ZBTB16: variants seen among roughly 807,000 people sequenced by gnomAD.
ZBTB16 encodes zinc finger and BTB domain containing 16, also known as zinc finger and BTB domain-containing protein 16.
ZBTB16 carries 8 observed loss-of-function variants against 56.8 expected under a neutral mutation model. The observed-to-expected ratio is 0.14, with a 90% CI of 0.08 to 0.25. The LOEUF is 0.25. ZBTB16 is among the 10% of genes least tolerant of loss of function. The probability of loss-of-function intolerance (pLI) is 1.00; values close to 1 mark genes in which losing one functional copy is unlikely to be tolerated. For synonymous variants in ZBTB16, 363 were observed against 368.5 expected, an observed-to-expected ratio of 0.98 and a Z score of 0.17; for missense variants, 625 against 903.0, an observed-to-expected ratio of 0.69 and a Z score of 3.95.
At position 114,060,175 on chromosome 11, in the gene ZBTB16, G is replaced by C. The variant is rs1313022546; in HGVS notation, c.-91+293G>C. 5.6e-6 allele frequency: 1 copy of C among 178,928 alleles called. No individual in the cohort carries two copies. The highest frequency in any genetic ancestry group is 1.2e-5 in the Non-Finnish European group (1 of 86,054). 11.1% of individuals were successfully genotyped at this position (178,928 alleles called of 1,614,324 possible). ...GTGGGGGGCGTAGCGGTGTGCGGGG[G>C]CTGAGGGCGTGAGCAGAGGGGTCGG... On this transcript the variant is annotated intron_variant, in intron 1 of 6. Transcript: ENST00000335953. This position sits in a 1 kb window ranked among gnomAD's most constrained non-coding sequence, Gnocchi z 6.0.
intron 3 of ZBTB16, among the ~76,000 whole-genome samples, chr11:114,184,772 A>G (rs1943325519): frequency 6.6e-6 from 1 of 152,218 alleles, no homozygotes; most frequent in Non-Finnish European, 1.5e-5. Flanking sequence ...GCCTCAGGAA[A>G]TCTGAGGTGA....
At position 114,233,121 on chromosome 11, in the gene ZBTB16, ACACACT is replaced by A. The variant is rs1408740956; in HGVS notation, c.1454-9044_1454-9039del. ...CACACACACACACACACACACACAC[ACACACT>A]CTCTCTCTCTCACACTCCCTTTCCT... On this transcript the variant is annotated intron_variant, in intron 4 of 6. Transcript: ENST00000335953. Among the ~76,000 whole-genome samples, 459 of 58,948 alleles carry A rather than the reference ACACACT, an allele frequency of 7.8e-3. 6 individuals are homozygous for A. Among genetic ancestry groups the A allele is most frequent in the African/African-American group, 0.019 (368 of 19,600 alleles). 38.7% of individuals were successfully genotyped at this position (58,948 alleles called of 152,430 possible).
intron 2 of ZBTB16, among the ~76,000 whole-genome samples, chr11:114,106,971 C>T (rs182645049): frequency 6.6e-6 from 1 of 152,272 alleles, no homozygotes; most frequent in African/African-American, 2.4e-5. Flanking sequence ...TTTGAAAGCA[C>T]AGTAGTTTCG....
chr11:114,213,679 T>C (rs539062648), intron 4 of ZBTB16, among the ~76,000 whole-genome samples: 35 of 152,354 alleles, frequency 2.3e-4, no homozygotes, highest in African/African-American at 8.2e-4. Flanking sequence ...GGGCTAGACA[T>C]AGGTAGCCTT....
At chr11:114,186,301 C>T (rs553681949) in intron 3 of ZBTB16, among the ~76,000 whole-genome samples, 17 of 152,214 alleles carry the variant, frequency 1.1e-4, no homozygotes, top group African/African-American at 2.9e-4. Context: ...CCAGGCAGCC[C>T]GCGTGGTTCA....
At chr11:114,105,770 G>T (rs1053622013) in intron 2 of ZBTB16, among the ~76,000 whole-genome samples, 1 of 152,130 alleles carries the variant, frequency 6.6e-6, no homozygotes, top group Admixed American at 6.5e-5. Flanking sequence ...TTAGAAGGAA[G>T]ACAAATACTT....
intron 2 of ZBTB16, among the ~76,000 whole-genome samples, chr11:114,121,258 G>T (rs929210462): frequency 6.6e-6 from 1 of 152,134 alleles, no homozygotes; most frequent in Admixed American, 6.5e-5. Flanking sequence ...CAAGCTGCTG[G>T]TGTGGTCACT....
chr11:114,091,033 C>G (rs1165198913), intron 2 of ZBTB16, among the ~76,000 whole-genome samples: 3 of 152,152 alleles, frequency 2.0e-5, no homozygotes, highest in Non-Finnish European at 4.4e-5. Flanking sequence ...ATCCTCACAC[C>G]TGGTGACGCA....
At position 114,256,319 on chromosome 11, in the gene ZBTB16, C is replaced by T. The variant is rs773633605; in HGVS notation, c.*5764C>T. ...ACCATGTACCAGTTACTGTTGTCGG[C>T]GCTGGGAATTACAGCAAAGGACAAA... On this transcript the variant is annotated 3_prime_UTR_variant, in exon 7 of 7. Transcript: ENST00000335953. Among the ~76,000 whole-genome samples, 1 of 152,164 alleles carries T rather than the reference C, an allele frequency of 6.6e-6. No individual in the cohort carries two copies. Among genetic ancestry groups the T allele is most frequent in the Admixed American group, 6.5e-5 (1 of 15,274 alleles).
chr11:114,083,481 G>T (rs1379203097), intron 2 of ZBTB16, among the ~76,000 whole-genome samples: 2 of 152,146 alleles, frequency 1.3e-5, no homozygotes, highest in Non-Finnish European at 2.9e-5. Flanking sequence ...GGCCGTGGTA[G>T]AACATATATT....
chr11:114,192,493 A>G (rs1162615932), intron 4 of ZBTB16, among the ~76,000 whole-genome samples: 1 of 152,218 alleles, frequency 6.6e-6, no homozygotes, highest in African/African-American at 2.4e-5. Context: ...AACACCAGTC[A>G]GCTGCTGTTA....
At chr11:114,200,712 TG>T (rs747348377) in intron 4 of ZBTB16, among the ~76,000 whole-genome samples, 3 of 152,178 alleles carry the variant, frequency 2.0e-5, no homozygotes, top group Non-Finnish European at 4.4e-5. Context: ...CCTCAGTTCT[TG>T]ATCTCAGGTT....
chr11:114,114,689 T>C (rs1341392840), intron 2 of ZBTB16, among the ~76,000 whole-genome samples: 2 of 151,752 alleles, frequency 1.3e-5, no homozygotes, highest in Non-Finnish European at 2.9e-5. Flanking sequence ...TTTCTTTTTT[T>C]TTTTTTTTGA....
intron 2 of ZBTB16, among the ~76,000 whole-genome samples, chr11:114,094,790 G>T (rs1591659783): frequency 2.0e-5 from 3 of 152,350 alleles, no homozygotes; most frequent in East Asian, 3.9e-4. Flanking sequence ...CTGGCCCAAG[G>T]GGCTTCCATG....
At chr11:114,213,127 C>T (rs945863130) in intron 4 of ZBTB16, among the ~76,000 whole-genome samples, 1 of 152,048 alleles carries the variant, frequency 6.6e-6, no homozygotes, top group Non-Finnish European at 1.5e-5. Context: ...CACTGTGCTG[C>T]TCCACCATGG....
chr11:114,233,538 G>T (rs934709672), intron 4 of ZBTB16, among the ~76,000 whole-genome samples: 1 of 152,008 alleles, frequency 6.6e-6, no homozygotes, highest in African/African-American at 2.4e-5. Context: ...AGCCCAGTAC[G>T]AAAATGCAGA....
At chr11:114,196,793 CTT>C (rs139963771) in intron 4 of ZBTB16, among the ~76,000 whole-genome samples, 57,093 of 151,812 alleles carry the variant, frequency 0.38, 11,106 homozygotes, top group African/African-American at 0.49. Flanking sequence ...TAGCTGTACT[CTT>C]TTGGATACTT....
At chr11:114,137,874 C>A (rs2134882433) in intron 2 of ZBTB16, among the ~76,000 whole-genome samples, 1 of 152,318 alleles carries the variant, frequency 6.6e-6, no homozygotes, top group Non-Finnish European at 1.5e-5. Flanking sequence ...AAGGTGCTGC[C>A]TGACTGCTCT....
intron 1 of ZBTB16, chr11:114,061,435 C>T (rs951910993): frequency 7.2e-5 from 11 of 152,330 alleles, no homozygotes; most frequent in Admixed American, 3.3e-4. Flanking sequence ...ATGCTCATCC[C>T]AACCTTGACG....
Sources: allele counts gnomAD v4.1 joint callset (sites outside exome capture counted in the v4.1 genomes callset), GRCh38; gene constraint gnomAD v4.1.1; non-coding constraint Gnocchi (gnomAD v3.1); transcripts MANE v1.5; gene names NCBI Gene and HGNC (gene_info 2026-07-23, HGNC 2026-07-21).